Variants in NAA60 observed in about 807,000 individuals in gnomAD.
NAA60 encodes the protein N-alpha-acetyltransferase 60, NatF catalytic subunit, also known as N-alpha-acetyltransferase 60.
In NAA60, 8 loss-of-function variants were observed where a neutral mutation model predicts 26.1. The ratio of observed to expected loss-of-function variants is 0.31; its 90% confidence interval spans 0.18 to 0.55. The LOEUF is 0.55. NAA60 is among the 20% of genes least tolerant of loss of function. The pLI, the probability that NAA60 is intolerant of heterozygous loss-of-function variation, is 0.93. For missense variants in NAA60, 290 were observed against 311.3 expected (o/e 0.93, Z 0.51); for synonymous variants, 131 against 122.5 (o/e 1.07, Z -0.46).
chr16:3,476,039 G>A (rs919445552), intron 2 of NAA60, 183 bp from the exon 3 acceptor site: 9 of 574,528 alleles, frequency 1.6e-5, no homozygotes, highest in Admixed American at 3.2e-5. Context: ...TCTTCCCAGC[G>A]ATGGGGGCGA....
chr16:3,482,073 G>A (rs1044563401), intron 4 of NAA60, among the ~76,000 whole-genome samples: 4 of 152,172 alleles, frequency 2.6e-5, no homozygotes, highest in South Asian at 2.1e-4. Flanking sequence ...GGCAGCGTGC[G>A]ATTCTTTAAC....
chr16:3,448,794 C>T (rs1364722901), intron 2 of NAA60: 2 of 369,092 alleles, frequency 5.4e-6, no homozygotes, highest in Non-Finnish European at 1.0e-5. Context: ...AAGAAGTAAA[C>T]AAGATTTGGT....
chr16:3,479,057 G>A (rs1449594431), intron 3 of NAA60, among the ~76,000 whole-genome samples: 1 of 152,078 alleles, frequency 6.6e-6, no homozygotes, highest in Admixed American at 6.6e-5. Flanking sequence ...CCAACATGGA[G>A]AAACCCCATC....
chr16:3,485,732 G>A lies in NAA60; in HGVS notation c.*472G>A, dbSNP rs899964955. 1.1e-5 allele frequency: 5 copies of A among 454,858 alleles called. No individual in the cohort carries two copies. The highest frequency in any genetic ancestry group is 7.0e-5 in the East Asian group (1 of 14,358). 28.2% of individuals were successfully genotyped at this position (454,858 alleles called of 1,614,324 possible). On this transcript the variant is annotated 3_prime_UTR_variant, in exon 8 of 8. Coordinates refer to ENST00000407558, the MANE Select transcript of NAA60 (RefSeq NM_001083601.3). The stretch of plus-strand genomic sequence containing the variant: ...CACAGGAGCCTCGGAACAAGGGGGC[G>A]CAATAAAGGGAATGGCCCGTCCCCT...
At chr16:3,457,748 C>G (rs534775222) in intron 2 of NAA60, among the ~76,000 whole-genome samples, 2 of 152,304 alleles carry the variant, frequency 1.3e-5, no homozygotes, top group Admixed American at 6.5e-5. Flanking sequence ...GACCTCGGCC[C>G]GGAAACCGCG....
At chr16:3,470,047 G>A (rs547524365) in intron 2 of NAA60, among the ~76,000 whole-genome samples, 19 of 152,330 alleles carry the variant, frequency 1.2e-4, no homozygotes, top group African/African-American at 3.8e-4. Context: ...CCTTTGTCTC[G>A]TGTCAGGGGA....
intron 2 of NAA60, among the ~76,000 whole-genome samples, chr16:3,475,542 GC>G (rs1419628161): frequency 6.6e-6 from 1 of 152,080 alleles, no homozygotes; most frequent in Non-Finnish European, 1.5e-5. Flanking sequence ...AAACAGGGGG[GC>G]TGCTCCTCCC....
intron 2 of NAA60, chr16:3,462,468 A>C (rs147182333): frequency 9.2e-5 from 14 of 152,328 alleles, no homozygotes; most frequent in African/African-American, 3.4e-4. Flanking sequence ...TATTCTTTCC[A>C]GAGTCTGTTA....
chr16:3,469,964 C>A (rs1345663256), intron 2 of NAA60, among the ~76,000 whole-genome samples: 1 of 152,184 alleles, frequency 6.6e-6, no homozygotes, highest in Non-Finnish European at 1.5e-5. Context: ...CAAGGAAGGT[C>A]GCCACCAGAT....
intron 2 of NAA60, 189 bp from the exon 3 acceptor site, chr16:3,476,033 C>A (rs566305664): frequency 5.0e-4 from 284 of 572,680 alleles, no homozygotes; most frequent in African/African-American, 4.8e-3. Flanking sequence ...CCTGGGTCTT[C>A]CCAGCGATGG....
At position 3,476,324 on chromosome 16, in the gene NAA60, T is replaced by C. The variant is rs1284457484; in HGVS notation, c.97T>C (p.Trp33Arg). The C allele has an allele frequency of 6.2e-7, 1 of 1,613,360 alleles. No individual in the cohort carries two copies. The highest frequency in any genetic ancestry group is 1.3e-5 in the African/African-American group (1 of 74,922). ...IDTVKHLCGDWFPIEYPDSWY... is the reference protein window; with the variant it reads ...IDTVKHLCGDRFPIEYPDSWY... The stretch of plus-strand genomic sequence containing the variant: ...CACTGTGAAGCACCTGTGTGGCGAC[T>C]GGTTCCCCATCGAGTAAGTGGAGCG... Residue 33 changes from tryptophan (W) to arginine (R), a missense_variant, in exon 3 of 8, where the codon TGG (tryptophan) becomes CGG (arginine). Coordinates refer to ENST00000407558, the MANE Select transcript of NAA60 (RefSeq NM_001083601.3).
At chr16:3,443,632 G>C (rs1480215704), upstream of NAA60, 6 of 1,004,218 alleles carry the variant, frequency 6.0e-6, no homozygotes, top group Admixed American at 3.2e-5. Context: ...TGTAGCCACT[G>C]GGCAGCTGCG....
chr16:3,468,525 C>T (rs2035910140), intron 2 of NAA60, among the ~76,000 whole-genome samples: 2 of 152,132 alleles, frequency 1.3e-5, no homozygotes, highest in African/African-American at 2.4e-5. Context: ...GTACCGTGTC[C>T]GGAGAGGTCA....
Position 3,486,063 on chromosome 16 carries a change from A to G in NAA60, c.*803A>G, listed in dbSNP as rs1456242720. The G allele has an allele frequency of 9.1e-6, 2 of 219,410 alleles. No homozygotes were observed. The highest frequency in any genetic ancestry group is 1.9e-5 in the Non-Finnish European group (2 of 106,828). The allele number at this position is 219,410 out of a possible 1,614,324, so 13.6% of individuals were successfully genotyped here. On this transcript the variant is annotated 3_prime_UTR_variant, in exon 8 of 8. Transcript: ENST00000407558. Reference sequence around the variant, plus strand: ...CCTCCCCGCCCTCCCTCATGCTGCCACAAGCTGCTGCTCCAAGGCCTGGCC... The same window carrying G: ...CCTCCCCGCCCTCCCTCATGCTGCCGCAAGCTGCTGCTCCAAGGCCTGGCC...
chr16:3,464,218 G>T lies in NAA60; in HGVS notation c.-6-12004G>T, dbSNP rs2035596222. 2.0e-5 allele frequency among the ~76,000 whole-genome samples: 3 copies of T among 152,204 alleles called. No homozygotes were observed. The South Asian group carries it at 6.2e-4, about 32-fold the overall frequency. On this transcript the variant is annotated intron_variant, in intron 2 of 7. Transcript: ENST00000407558. The stretch of plus-strand genomic sequence containing the variant: ...ATTTTTGCATTTTTAGTAGAGATGG[G>T]GTTTCCCCATGTTGGAACTCCTGAC...
At chr16:3,480,110 T>G (rs1216724217) in intron 4 of NAA60, among the ~76,000 whole-genome samples, 2 of 152,064 alleles carry the variant, frequency 1.3e-5, no homozygotes, top group African/African-American at 4.8e-5. Context: ...CAAACCCCAG[T>G]CTGAATGTAA....
chr16:3,464,226 C>T (rs1426908094), intron 2 of NAA60, among the ~76,000 whole-genome samples: 1 of 152,114 alleles, frequency 6.6e-6, no homozygotes, highest in Non-Finnish European at 1.5e-5. Flanking sequence ...GGGGTTTCCC[C>T]ATGTTGGAAC....
intron 2 of NAA60, among the ~76,000 whole-genome samples, chr16:3,458,906 G>A (rs1409318842): frequency 2.6e-5 from 4 of 152,148 alleles, no homozygotes; most frequent in Admixed American, 1.3e-4. Context: ...GGGGTAAGTG[G>A]TGGGCCTTCT....
At chr16:3,451,385 C>A (rs974943911) in intron 2 of NAA60, among the ~76,000 whole-genome samples, 3 of 152,086 alleles carry the variant, frequency 2.0e-5, no homozygotes, top group Non-Finnish European at 4.4e-5. Flanking sequence ...ACCAATGTAT[C>A]CTTTTGTTTT....
Sources: allele counts gnomAD v4.1 joint callset (sites outside exome capture counted in the v4.1 genomes callset), GRCh38; gene constraint gnomAD v4.1.1; transcripts MANE v1.5; gene names NCBI Gene and HGNC (gene_info 2026-07-23, HGNC 2026-07-21).